The following CCSER1 variants were observed in gnomAD, a reference collection of about 807,000 sequenced individuals.
CCSER1 encodes coiled-coil serine rich protein 1.
In CCSER1, 41 loss-of-function variants were observed where a neutral mutation model predicts 82.0. The ratio of observed to expected loss-of-function variants is 0.50; its 90% CI spans 0.39 to 0.65. The LOEUF (loss-of-function observed/expected upper bound fraction) is 0.65. Among genes scored for constraint, CCSER1 ranks in the 30% least tolerant of loss-of-function variants. CCSER1 has a pLI of 0.00. For missense variants in CCSER1, 1,119 were observed against 1,064.2 expected, an observed-to-expected ratio of 1.05 and a Z score of -0.72; for synonymous variants, 414 against 383.9, an observed-to-expected ratio of 1.08 and a Z score of -0.92.
chr4:91,458,338 G>C (rs1756313105), intron 10 of CCSER1, among the ~76,000 whole-genome samples: 1 of 152,082 alleles, frequency 6.6e-6, no homozygotes, highest in African/African-American at 2.4e-5. Flanking sequence ...TAAATATGTG[G>C]ATTTCTCTCT....
chr4:90,322,755 C>G (rs1226180442), intron 3 of CCSER1, among the ~76,000 whole-genome samples: 1 of 152,106 alleles, frequency 6.6e-6, no homozygotes, highest in African/African-American at 2.4e-5. Flanking sequence ...CTCTTTTTCT[C>G]TTCCTTCACT....
At chr4:90,446,313 TA>T in intron 4 of CCSER1, among the ~76,000 whole-genome samples, 1 of 152,142 alleles carries the variant, frequency 6.6e-6, no homozygotes, top group Non-Finnish European at 1.5e-5. Flanking sequence ...TTTAATTTCT[TA>T]AAAGTGAGGA....
intron 6 of CCSER1, among the ~76,000 whole-genome samples, chr4:90,714,595 G>T (rs1741282765): frequency 6.6e-6 from 1 of 151,980 alleles, no homozygotes; most frequent in South Asian, 2.1e-4. Flanking sequence ...GGGAAAAATT[G>T]TGGGTTAAAA....
chr4:90,497,703 AT>A (rs1406629327), intron 5 of CCSER1, among the ~76,000 whole-genome samples: 1 of 152,226 alleles, frequency 6.6e-6, no homozygotes. Flanking sequence ...TGTATTTGTT[AT>A]GCTTCACTAA....
chr4:91,524,563 T>G (rs1760674323), intron 10 of CCSER1, among the ~76,000 whole-genome samples: 2 of 152,150 alleles, frequency 1.3e-5, no homozygotes, highest in South Asian at 4.1e-4. Context: ...TGATATTAAT[T>G]GCTAGTAATT....
chr4:90,616,365 C>A (rs187448580), intron 5 of CCSER1, among the ~76,000 whole-genome samples: 1 of 151,972 alleles, frequency 6.6e-6, no homozygotes, highest in Non-Finnish European at 1.5e-5. Flanking sequence ...ACTCTTCTAA[C>A]AAACTGTCGA....
intron 5 of CCSER1, among the ~76,000 whole-genome samples, chr4:90,579,716 T>G (rs1386963357): frequency 6.6e-6 from 1 of 152,168 alleles, no homozygotes; most frequent in Non-Finnish European, 1.5e-5. Context: ...TCAAATCATT[T>G]TATAAATCTT....
At chr4:90,456,346 T>G (rs1762164526) in intron 4 of CCSER1, among the ~76,000 whole-genome samples, 1 of 152,172 alleles carries the variant, frequency 6.6e-6, no homozygotes, top group South Asian at 2.1e-4. Flanking sequence ...GGTATTATTA[T>G]CTCTGTACTT....
intron 9 of CCSER1, among the ~76,000 whole-genome samples, chr4:90,939,906 T>G (rs1280099243): frequency 2.6e-5 from 4 of 152,116 alleles, no homozygotes; most frequent in East Asian, 3.8e-4. Context: ...TTTCTAGAGT[T>G]CCTTCTTTAT....
At chr4:90,685,570 T>C (rs1312337628) in intron 6 of CCSER1, among the ~76,000 whole-genome samples, 1 of 152,122 alleles carries the variant, frequency 6.6e-6, no homozygotes, top group Non-Finnish European at 1.5e-5. Context: ...TTCTCCAGAA[T>C]GGGAAAACAC....
chr4:90,798,907 G>C lies in CCSER1; in HGVS notation c.2011-16855G>C, dbSNP rs1199533289. ...GGCGGAAGGTGCTTTCAGACCACAG[G>C]TCACAACACTCTGATGGGTGGTGCC... On this transcript the variant is annotated intron_variant, in intron 7 of 10. Transcript: ENST00000509176. 3.3e-5 allele frequency among the ~76,000 whole-genome samples: 5 copies of C among 152,262 alleles called. 1 individual carries two copies. Among genetic ancestry groups the C allele is most frequent in the South Asian group, 4.1e-4 (2 of 4,832 alleles).
At chr4:90,858,568 A>G (rs1156938916) in intron 8 of CCSER1, among the ~76,000 whole-genome samples, 1 of 151,936 alleles carries the variant, frequency 6.6e-6, no homozygotes, top group Non-Finnish European at 1.5e-5. Flanking sequence ...TGGTATTTCA[A>G]TTATTAATAT....
At chr4:90,760,000 G>A (rs1427062281) in intron 7 of CCSER1, among the ~76,000 whole-genome samples, 1 of 151,756 alleles carries the variant, frequency 6.6e-6, no homozygotes, top group Non-Finnish European at 1.5e-5. Flanking sequence ...TATTATAAAT[G>A]AAGTATAAAT....
intron 10 of CCSER1, among the ~76,000 whole-genome samples, chr4:91,310,760 T>C (rs1745411569): frequency 1.3e-5 from 2 of 152,032 alleles, no homozygotes; most frequent in South Asian, 4.1e-4. Context: ...AAGTCTAATC[T>C]GATCTTGTCA....
intron 5 of CCSER1, among the ~76,000 whole-genome samples, chr4:90,540,440 G>A (rs544857631): frequency 1.3e-5 from 2 of 151,872 alleles, no homozygotes; most frequent in African/African-American, 2.4e-5. Flanking sequence ...GTGGATAATG[G>A]GATTAATACT....
At chr4:90,309,653 C>A (rs990273052) in intron 2 of CCSER1, 45 bp downstream of exon 2, 5 of 1,397,412 alleles carry the variant, frequency 3.6e-6, no homozygotes, top group South Asian at 2.9e-5. Context: ...AATTAATTTT[C>A]ATTATACTTT....
At chr4:91,462,357 TAAAAG>T (rs1756556769) in intron 10 of CCSER1, among the ~76,000 whole-genome samples, 1 of 151,972 alleles carries the variant, frequency 6.6e-6, no homozygotes, top group South Asian at 2.1e-4. Context: ...TTCTGTGAAA[TAAAAG>T]AAAATATGGG....
intron 4 of CCSER1, among the ~76,000 whole-genome samples, chr4:90,403,104 A>G (rs184308522): frequency 3.2e-4 from 49 of 152,122 alleles, no homozygotes; most frequent in Non-Finnish European, 5.7e-4. Flanking sequence ...TGTGGTTTTT[A>G]AAAAGCAGCA....
At chr4:91,590,475 C>A (rs1017115355) in intron 10 of CCSER1, among the ~76,000 whole-genome samples, 2 of 152,094 alleles carry the variant, frequency 1.3e-5, no homozygotes, top group African/African-American at 4.8e-5. Context: ...GATTCCACGT[C>A]TAAGGCTACA....
Sources: allele counts gnomAD v4.1 joint callset (sites outside exome capture counted in the v4.1 genomes callset), GRCh38; gene constraint gnomAD v4.1.1; transcripts MANE v1.5; gene names NCBI Gene and HGNC (gene_info 2026-07-23, HGNC 2026-07-21).